The following WWOX variants were observed in gnomAD, a reference collection of about 807,000 sequenced individuals.
The protein encoded by WWOX is WW domain-containing oxidoreductase.
In WWOX, 69 loss-of-function variants were observed where a neutral mutation model predicts 46.2. That is an observed-to-expected ratio of 1.49 (90% confidence interval 1.23 to 1.82). The LOEUF (loss-of-function observed/expected upper bound fraction) is 1.82, where lower values mean the gene tolerates loss of function less well. Ranked by LOEUF, WWOX falls within the 40% of genes most tolerant of loss-of-function variation. The pLI, the probability that WWOX is intolerant of heterozygous loss-of-function variation, is 0.00. For missense variants in WWOX, 919 were observed against 542.6 expected, an observed-to-expected ratio of 1.69 and a Z score of -6.89; for synonymous variants, 359 against 202.6, an observed-to-expected ratio of 1.77 and a Z score of -6.56.
intron 8 of WWOX, among the ~76,000 whole-genome samples, chr16:78,629,356 G>A (rs951391015): frequency 1.3e-5 from 2 of 151,898 alleles, no homozygotes; most frequent in Admixed American, 1.3e-4. Context: ...CTGTGAGTTA[G>A]TGCCGTATAT....
At chr16:79,157,688 A>G (rs142843515) in intron 8 of WWOX, among the ~76,000 whole-genome samples, 39 of 152,286 alleles carry the variant, frequency 2.6e-4, no homozygotes, top group African/African-American at 9.4e-4. Context: ...ACAGTTTGTG[A>G]GAGTTGTGAT....
At chr16:78,736,717 C>T (rs889265183) in intron 8 of WWOX, among the ~76,000 whole-genome samples, 15 of 152,124 alleles carry the variant, frequency 9.9e-5, no homozygotes, top group East Asian at 1.9e-4. Flanking sequence ...CCCACCTCAA[C>T]GTCCTGAGTA....
rs574625945 is a variant in WWOX at position 78,121,622 on chromosome 16, T to C, written c.409+6468T>C. Among the ~76,000 whole-genome samples the C allele has an allele frequency of 5.9e-5, 9 of 152,178 alleles. No individual in the cohort carries two copies. The South Asian group carries it at 1.9e-3, about 32-fold the overall frequency. On this transcript the variant is annotated intron_variant, in intron 4 of 8. Coordinates refer to ENST00000566780, the MANE Select transcript of WWOX (RefSeq NM_016373.4). ...GTTATATATATTTTTAAAATAAATT[T>C]GTAATCATGTATACAGTAGTCCCCC...
intron 5 of WWOX, among the ~76,000 whole-genome samples, chr16:78,349,690 C>G (rs2151905268): frequency 8.4e-6 from 1 of 119,550 alleles, no homozygotes; most frequent in African/African-American, 2.8e-5. Context: ...TTTCATCAGC[C>G]AGGTGAAATT....
chr16:78,279,580 C>A (rs571260584), intron 5 of WWOX, among the ~76,000 whole-genome samples: 3 of 152,242 alleles, frequency 2.0e-5, no homozygotes, highest in Admixed American at 1.3e-4. Context: ...TATATGGAAG[C>A]CTTCATTCCC....
intron 8 of WWOX, among the ~76,000 whole-genome samples, chr16:78,867,054 G>C (rs1024209979): frequency 2.6e-5 from 4 of 152,208 alleles, no homozygotes; most frequent in Admixed American, 2.0e-4. Context: ...GAAGGAGAAG[G>C]CTTGAGGAAG....
In WWOX at chr16:78,422,840, C is replaced by T. The variant is rs9929291; in HGVS notation, c.606-2030C>T. Among the ~76,000 whole-genome samples the T allele has an allele frequency of 4.3e-3, 333 of 77,144 alleles. 1 individual carries two copies. Among genetic ancestry groups the T allele is most frequent in the African/African-American group, 6.7e-3 (102 of 15,284 alleles). The allele number at this position is 77,144 out of a possible 152,430, so 50.6% of individuals were successfully genotyped here. On this transcript the variant is annotated intron_variant, in intron 6 of 8. Coordinates refer to ENST00000566780, the MANE Select transcript of WWOX (RefSeq NM_016373.4). ...ATATACACACACATATATATATATA[C>T]ATATACACACACACACACACACACA...
At chr16:78,696,321 C>G (rs1191423374) in intron 8 of WWOX, among the ~76,000 whole-genome samples, 2 of 152,166 alleles carry the variant, frequency 1.3e-5, no homozygotes, top group South Asian at 2.1e-4. Context: ...GAGATTTAGG[C>G]TGCACCTGAG....
At chr16:78,409,323 A>G (rs2082620359) in intron 6 of WWOX, among the ~76,000 whole-genome samples, 1 of 152,228 alleles carries the variant, frequency 6.6e-6, no homozygotes, top group African/African-American at 2.4e-5. Context: ...AAGATACAGA[A>G]CAGTGCCATC....
intron 8 of WWOX, among the ~76,000 whole-genome samples, chr16:78,887,077 G>GGT (rs749992495): frequency 0.04 from 2,417 of 61,184 alleles, 77 homozygotes; most frequent in African/African-American, 0.08. Context: ...GTGTGTGTGT[G>GGT]GTGTGTGTGT....
At chr16:78,141,076 T>A (rs571652867) in intron 4 of WWOX, among the ~76,000 whole-genome samples, 8 of 152,332 alleles carry the variant, frequency 5.3e-5, no homozygotes, top group African/African-American at 1.9e-4. Flanking sequence ...CTCGTTATCA[T>A]CAGACATTAG....
chr16:78,214,844 AAG>A (rs1555504219), intron 5 of WWOX, among the ~76,000 whole-genome samples: 2 of 152,058 alleles, frequency 1.3e-5, no homozygotes, highest in Admixed American at 1.3e-4. Context: ...AAAAAAAAAA[AAG>A]GTTTGTCGTT....
At chr16:78,803,478 G>C (rs919528492) in intron 8 of WWOX, among the ~76,000 whole-genome samples, 1 of 151,996 alleles carries the variant, frequency 6.6e-6, no homozygotes, top group African/African-American at 2.4e-5. Context: ...ACAGGGTCTC[G>C]CTGTGTTGCC....
intron 5 of WWOX, among the ~76,000 whole-genome samples, chr16:78,169,396 T>C (rs1231837541): frequency 3.3e-5 from 5 of 152,094 alleles, no homozygotes; most frequent in Non-Finnish European, 7.4e-5. Flanking sequence ...CCAGTATCTA[T>C]TGGAGTTGGG....
At chr16:78,290,682 C>T (rs1013654447) in intron 5 of WWOX, among the ~76,000 whole-genome samples, 12 of 150,944 alleles carry the variant, frequency 7.9e-5, no homozygotes, top group South Asian at 2.1e-4. Flanking sequence ...AAATGACTGA[C>T]GTGAAGAATG....
At chr16:79,175,430 C>G (rs1157515149) in intron 8 of WWOX, among the ~76,000 whole-genome samples, 2 of 152,172 alleles carry the variant, frequency 1.3e-5, no homozygotes, top group Non-Finnish European at 2.9e-5. Flanking sequence ...AGGTCGGCCA[C>G]AAAGCTGTGG....
intron 8 of WWOX, among the ~76,000 whole-genome samples, chr16:78,573,775 G>A (rs144921143): frequency 2.0e-5 from 3 of 152,122 alleles, no homozygotes; most frequent in Admixed American, 1.3e-4. Context: ...GCTCATTCTC[G>A]ATCTCCACTT....
At position 78,487,082 on chromosome 16, in the gene WWOX, G is replaced by A. The variant is rs112059584; in HGVS notation, c.1056+54330G>A. ...ATGATTCTGTTGTAGTGATATTAAG[G>A]ACAACAGTATTTTGCCAGAAGCTAT... On this transcript the variant is annotated intron_variant, in intron 8 of 8. Transcript: ENST00000566780. 3.1e-3 allele frequency among the ~76,000 whole-genome samples: 469 copies of A among 152,240 alleles called. 3 individuals are homozygous for A. The highest frequency in any genetic ancestry group is 0.011 in the African/African-American group (444 of 41,522).
chr16:78,619,893 A>C (rs770358423), intron 8 of WWOX, among the ~76,000 whole-genome samples: 1 of 152,070 alleles, frequency 6.6e-6, no homozygotes, highest in African/African-American at 2.4e-5. Context: ...CAGAGTGAGA[A>C]CCTGTCTCCA....
Sources: gnomAD v4.1 joint callset for allele counts (sites outside exome capture counted in the v4.1 genomes callset) on GRCh38, gnomAD v4.1.1 for gene constraint, MANE v1.5 for transcripts, NCBI Gene and HGNC (gene_info 2026-07-23, HGNC 2026-07-21) for gene names.